The following DGKI variants were observed in gnomAD, a reference collection of about 807,000 sequenced individuals.
The protein encoded by DGKI is diacylglycerol kinase iota.
In DGKI, 55 loss-of-function variants were observed where a neutral mutation model predicts 147.5. The ratio of observed to expected loss-of-function variants is 0.37; its 90% CI spans 0.30 to 0.47. The LOEUF (loss-of-function observed/expected upper bound fraction) is 0.47. Among genes scored for constraint, DGKI ranks in the 20% least tolerant of loss-of-function variants. The pLI, the probability that DGKI is intolerant of heterozygous loss-of-function variation, is 1.00. For synonymous variants in DGKI, 469 were observed against 477.1 expected (o/e 0.98, Z 0.22); for missense variants, 1,007 against 1,323.8 (o/e 0.76, Z 3.71).
Position 137,678,580 on chromosome 7 carries a change from C to G in DGKI, c.583G>C (p.Glu195Gln). Residue 195 changes from glutamate to glutamine, a missense_variant, in exon 3 of 33, where the codon GAG (glutamate) becomes CAG (glutamine). Around this residue, in one of 5 missense-constraint regions of DGKI, gnomAD observed 259 missense variants for 362.5 expected, o/e 0.71. Coordinates refer to ENST00000614521, the MANE Select transcript of DGKI (RefSeq NM_001321708.2). ...VSGDLCYLGEENCQVRFAKSA... is the reference protein window; with the variant it reads ...VSGDLCYLGEQNCQVRFAKSA... Reference sequence around the variant, plus strand: ...ACTGCAAATCTGACTTGGCAGTTCTCCTCTCCAAGGTAGCAGAGGTCTCCC... The same window carrying G: ...ACTGCAAATCTGACTTGGCAGTTCTGCTCTCCAAGGTAGCAGAGGTCTCCC... 1 of 1,614,134 alleles carries G rather than the reference C, an allele frequency of 6.2e-7. No individual in the cohort carries two copies. The highest frequency in any genetic ancestry group is 8.5e-7 in the Non-Finnish European group (1 of 1,179,998).
chr7:137,396,063 G>A (rs550924164), intron 31 of DGKI: 14 of 171,440 alleles, frequency 8.2e-5, no homozygotes, highest in Admixed American at 2.3e-4. Flanking sequence ...TGAGCAGAGC[G>A]AGAAAGGCAC....
At chr7:137,738,988 A>G (rs1056286681) in intron 1 of DGKI, among the ~76,000 whole-genome samples, 4 of 152,120 alleles carry the variant, frequency 2.6e-5, no homozygotes, top group East Asian at 1.9e-4. Flanking sequence ...CCTCTACCTA[A>G]TGAAAAGCTG....
At chr7:137,844,438 G>T (rs10233812) in intron 1 of DGKI, among the ~76,000 whole-genome samples, 60 of 152,240 alleles carry the variant, frequency 3.9e-4, no homozygotes, top group South Asian at 1.9e-3. Context: ...CCTGAGGAGC[G>T]TGTTAAAAAT....
At chr7:137,791,533 T>G (rs907216977) in intron 1 of DGKI, among the ~76,000 whole-genome samples, 2 of 152,226 alleles carry the variant, frequency 1.3e-5, no homozygotes, top group Non-Finnish European at 2.9e-5. Flanking sequence ...ACAGACTTTT[T>G]CAGGTAGAGC....
At chr7:137,492,955 C>T (rs538586020) in intron 21 of DGKI, among the ~76,000 whole-genome samples, 2 of 152,288 alleles carry the variant, frequency 1.3e-5, no homozygotes, top group East Asian at 1.9e-4. Flanking sequence ...TCAGCCCACC[C>T]GCACCCTCCC....
intron 1 of DGKI, among the ~76,000 whole-genome samples, chr7:137,816,971 C>G (rs1211007013): frequency 6.6e-6 from 1 of 152,222 alleles, no homozygotes; most frequent in Non-Finnish European, 1.5e-5. Context: ...ATGCCAGTAG[C>G]ATCCCAGGAG....
At chr7:137,790,680 G>C (rs942319305) in intron 1 of DGKI, among the ~76,000 whole-genome samples, 1 of 152,168 alleles carries the variant, frequency 6.6e-6, no homozygotes, top group Non-Finnish European at 1.5e-5. Flanking sequence ...AGAAAGAGCA[G>C]GACTCAGAAG....
chr7:137,558,269 TTTA>T (rs1256147216), intron 19 of DGKI, among the ~76,000 whole-genome samples: 1 of 152,142 alleles, frequency 6.6e-6, no homozygotes, highest in Non-Finnish European at 1.5e-5. Flanking sequence ...CTGGGTTTTT[TTTA>T]TTATTTTATT....
At chr7:137,563,218 AAAAGCTCTCAGGAAAG>A (rs1412567555) in intron 19 of DGKI, among the ~76,000 whole-genome samples, 3 of 152,172 alleles carry the variant, frequency 2.0e-5, no homozygotes, top group Non-Finnish European at 4.4e-5. Context: ...ATTTGTGATC[AAAAGCTCTCAGGAAAG>A]TAGGAATGAA....
intron 3 of DGKI, among the ~76,000 whole-genome samples, chr7:137,659,750 G>T (rs755103631): frequency 2.0e-5 from 3 of 152,170 alleles, no homozygotes; most frequent in Admixed American, 1.3e-4. Context: ...GGCTAACACA[G>T]TGAAAGCTCG....
chr7:137,817,300 A>G (rs1390258261), intron 1 of DGKI, among the ~76,000 whole-genome samples: 1 of 152,220 alleles, frequency 6.6e-6, no homozygotes, highest in Non-Finnish European at 1.5e-5. Context: ...TTCAGTGTCT[A>G]TAACACACAG....
At chr7:137,627,743 A>T (rs1341845358) in intron 6 of DGKI, among the ~76,000 whole-genome samples, 3 of 152,222 alleles carry the variant, frequency 2.0e-5, no homozygotes, top group Non-Finnish European at 4.4e-5. Flanking sequence ...TCTTAAATGC[A>T]ATCACCAGGC....
At chr7:137,661,515 A>C (rs532640602) in intron 3 of DGKI, among the ~76,000 whole-genome samples, 1 of 152,266 alleles carries the variant, frequency 6.6e-6, no homozygotes, top group African/African-American at 2.4e-5. Flanking sequence ...TGAGAAGCCA[A>C]GGAGAAGGAC....
rs182953173 is a variant in DGKI at position 137,623,509 on chromosome 7, T to C, written c.850A>G (p.Ile284Val). The C allele has an allele frequency of 1.9e-6, 3 of 1,613,980 alleles. No individual in the cohort carries two copies. Among genetic ancestry groups the C allele is most frequent in the Non-Finnish European group, 2.5e-6 (3 of 1,179,960 alleles). The change falls in exon 7 of 33, where the codon ATC (isoleucine) becomes GTC (valine). Residue 284 changes from isoleucine (I) to valine (V), a missense_variant. Coordinates refer to ENST00000614521, the MANE Select transcript of DGKI (RefSeq NM_001321708.2). ...FSFHSKEIVA[I>V]SCSWCKQAFH... ...GCCTGCTTGCACCAGGAACAGCTGATAGCCACAATCTCTTTACTGTGGAAG... is the reference window on the plus strand; with the variant it reads ...GCCTGCTTGCACCAGGAACAGCTGACAGCCACAATCTCTTTACTGTGGAAG...
intron 30 of DGKI, among the ~76,000 whole-genome samples, chr7:137,406,070 G>T (rs973454649): frequency 2.0e-5 from 3 of 152,148 alleles, no homozygotes; most frequent in Non-Finnish European, 2.9e-5. Context: ...TAACTCCAGA[G>T]AGAGGGTAGG....
chr7:137,663,738 C>T (rs1373717130), intron 3 of DGKI, among the ~76,000 whole-genome samples: 1 of 152,104 alleles, frequency 6.6e-6, no homozygotes, highest in African/African-American at 2.4e-5. Flanking sequence ...AACTACGCCC[C>T]AGAAGCCATG....
chr7:137,552,151 A>T (rs1456083193), intron 20 of DGKI, among the ~76,000 whole-genome samples: 3 of 152,154 alleles, frequency 2.0e-5, no homozygotes, highest in Non-Finnish European at 4.4e-5. Context: ...CATCTATCTC[A>T]TGTACAGTAA....
chr7:137,534,744 TTCAA>T (rs1817460668), intron 20 of DGKI, among the ~76,000 whole-genome samples: 1 of 152,130 alleles, frequency 6.6e-6, no homozygotes, highest in Non-Finnish European at 1.5e-5. Flanking sequence ...ATAACTAAAA[TTCAA>T]TCAAATTTAT....
intron 3 of DGKI, among the ~76,000 whole-genome samples, chr7:137,658,307 G>T (rs1822296543): frequency 6.6e-6 from 1 of 152,094 alleles, no homozygotes; most frequent in Admixed American, 6.6e-5. Context: ...GCAAATCATG[G>T]TTTCCCTTCT....
Sources: allele counts gnomAD v4.1 joint callset (sites outside exome capture counted in the v4.1 genomes callset), GRCh38; gene constraint gnomAD v4.1.1; regional missense constraint gnomAD v4.1.1; transcripts MANE v1.5; gene names NCBI Gene and HGNC (gene_info 2026-07-23, HGNC 2026-07-21).